Variants in MTM1 observed in about 807,000 individuals in gnomAD.
The protein encoded by MTM1 is myotubularin 1, also known as myotubularin.
MTM1 carries 9 observed loss-of-function variants against 52.1 expected under a neutral mutation model. The observed-to-expected ratio is 0.17, with a 90% confidence interval of 0.10 to 0.30. The LOEUF is 0.30. MTM1 is among the 10% of genes least tolerant of loss of function. MTM1 has a pLI of 1.00. For missense variants in MTM1, 277 were observed against 470.7 expected (o/e 0.59, Z 3.81); for synonymous variants, 136 against 163.8 (o/e 0.83, Z 1.29).
At chrX:150,575,829 A>G (rs1250835604) in intron 1 of MTM1, among the ~76,000 whole-genome samples, 5 of 110,448 alleles carry the variant, frequency 4.5e-5, no homozygotes, top group Non-Finnish European at 7.6e-5. Context: ...TTCTTCCTTT[A>G]TGGAGATAGG....
At chrX:150,570,653 A>G (rs1557411421) in intron 1 of MTM1, among the ~76,000 whole-genome samples, 1 of 112,141 alleles carries the variant, frequency 8.9e-6, no homozygotes, top group East Asian at 2.8e-4. Flanking sequence ...TGTTGATTTC[A>G]TGCCGGTGTC....
chrX:150,609,489 G>A (rs1250474791), intron 4 of MTM1, among the ~76,000 whole-genome samples: 1 of 111,708 alleles, frequency 9.0e-6, no homozygotes, highest in African/African-American at 3.3e-5. Context: ...AGAGAGAACT[G>A]CATTTAGTTC....
At chrX:150,588,097 A>G (rs1557412339) in intron 1 of MTM1, among the ~76,000 whole-genome samples, 1 of 112,031 alleles carries the variant, frequency 8.9e-6, no homozygotes, top group East Asian at 2.8e-4. Flanking sequence ...AGTAAGGACA[A>G]CTACCTTAGA....
At chrX:150,638,285 A>C (rs138399857) in intron 6 of MTM1, among the ~76,000 whole-genome samples, 1,165 of 111,481 alleles carry the variant, frequency 0.01, 5 homozygotes, top group Non-Finnish European at 0.015. Context: ...TGGATAGCCA[A>C]GTCTGGAATT....
chrX:150,613,961 G>A (rs1276174647), intron 4 of MTM1, among the ~76,000 whole-genome samples: 1 of 112,128 alleles, frequency 8.9e-6, no homozygotes, highest in Non-Finnish European at 1.9e-5. Flanking sequence ...CAGATGCTTG[G>A]TCTCTAGTGG....
chrX:150,650,472 T>C (rs1373424143), intron 10 of MTM1, among the ~76,000 whole-genome samples: 2 of 111,722 alleles, frequency 1.8e-5, no homozygotes, highest in African/African-American at 6.5e-5. Context: ...AATGTATAGG[T>C]GAATTATTAA....
intron 1 of MTM1, among the ~76,000 whole-genome samples, chrX:150,576,924 C>T (rs1045865869): frequency 9.0e-6 from 1 of 111,672 alleles, no homozygotes; most frequent in Non-Finnish European, 1.9e-5. Context: ...CATTCACCTG[C>T]GAGCTGTTTA....
intron 3 of MTM1, among the ~76,000 whole-genome samples, chrX:150,597,662 A>G (rs946042573): frequency 1.8e-5 from 2 of 111,868 alleles, no homozygotes; most frequent in Non-Finnish European, 1.9e-5. Context: ...GCATATTTCT[A>G]TTATAATTAA....
At chrX:150,633,752 C>T (rs1194473381) in intron 6 of MTM1, among the ~76,000 whole-genome samples, 1 of 112,072 alleles carries the variant, frequency 8.9e-6, no homozygotes, top group Non-Finnish European at 1.9e-5. Context: ...AGCAGTTGGG[C>T]CAGATGCCGT....
At chrX:150,616,571 A>G (rs1185446211) in intron 5 of MTM1, among the ~76,000 whole-genome samples, 2 of 111,934 alleles carry the variant, frequency 1.8e-5, no homozygotes, top group Non-Finnish European at 3.8e-5. Flanking sequence ...CATGGTAGAT[A>G]CAAGTCCCAG....
chrX:150,610,785 G>C (rs2039261524), intron 4 of MTM1, among the ~76,000 whole-genome samples: 1 of 111,994 alleles, frequency 8.9e-6, no homozygotes, highest in Admixed American at 9.4e-5. Context: ...GAGCTATACA[G>C]TTTCCTCTGT....
At chrX:150,563,042 C>T in the MTM1 span, among the ~76,000 whole-genome samples, 1 of 110,979 alleles carries the variant, frequency 9.0e-6, no homozygotes, top group African/African-American at 3.3e-5. Flanking sequence ...CTGTCCTGCC[C>T]CCATTAGGCT....
In MTM1 at chrX:150,598,630, A is replaced by G. The variant is rs782451760; in HGVS notation, c.175A>G (p.Ile59Val). ...VIYICPFNGP[I>V]KGRVYITNYR... is the part of the protein sequence containing the mutation. ...TTACATATGTCCTTTCAATGGCCCC[A>G]TTAAGGGAAGAGTTTACATCACAAA... Residue 59 changes from isoleucine to valine, a missense_variant, in exon 4 of 15, where the codon ATT (isoleucine) becomes GTT (valine). Coordinates refer to ENST00000370396, the MANE Select transcript of MTM1 (RefSeq NM_000252.3). 2.2e-5 allele frequency: 27 copies of G among 1,202,486 alleles called. No homozygotes were observed. The highest frequency in any genetic ancestry group is 2.9e-5 in the Non-Finnish European group (26 of 887,510).
chrX:150,586,998 C>T (rs2038801203), intron 1 of MTM1, among the ~76,000 whole-genome samples: 1 of 109,701 alleles, frequency 9.1e-6, no homozygotes, highest in African/African-American at 3.3e-5. Context: ...ATCTGCTGTG[C>T]TATAATTTTA....
chrX:150,665,956 C>G (rs1557414919), intron 14 of MTM1, among the ~76,000 whole-genome samples: 2 of 112,205 alleles, frequency 1.8e-5, no homozygotes, highest in East Asian at 5.5e-4. Flanking sequence ...CAGGGTTACA[C>G]TGGATGTACT....
At chrX:150,602,935 G>C (rs1257070488) in intron 4 of MTM1, among the ~76,000 whole-genome samples, 1 of 112,079 alleles carries the variant, frequency 8.9e-6, no homozygotes, top group African/African-American at 3.2e-5. Flanking sequence ...AGGATATAGA[G>C]TTGAGTAATT....
At chrX:150,609,177 C>T (rs1297315684) in intron 4 of MTM1, among the ~76,000 whole-genome samples, 1 of 111,114 alleles carries the variant, frequency 9.0e-6, no homozygotes, top group African/African-American at 3.3e-5. Flanking sequence ...AAGCTTTTCA[C>T]ACCACTTTCA....
intron 10 of MTM1, among the ~76,000 whole-genome samples, chrX:150,650,247 G>GT (rs1350538760): frequency 8.6e-4 from 93 of 108,008 alleles, no homozygotes; most frequent in Middle Eastern, 4.8e-3. Context: ...GGTTAGTTTT[G>GT]TTTTTTTTGT....
At chrX:150,595,208 C>T (rs888637241) in intron 2 of MTM1, among the ~76,000 whole-genome samples, 1 of 111,747 alleles carries the variant, frequency 8.9e-6, no homozygotes, top group African/African-American at 3.3e-5. Context: ...CACCTGTAAT[C>T]CCAGCACTTT....
Sources: gnomAD v4.1 joint callset for allele counts (sites outside exome capture counted in the v4.1 genomes callset) on GRCh38, gnomAD v4.1.1 for gene constraint, MANE v1.5 for transcripts, NCBI Gene and HGNC (gene_info 2026-07-23, HGNC 2026-07-21) for gene names.